SNAP25: variants seen among roughly 807,000 people sequenced by gnomAD.
The protein encoded by SNAP25 is synaptosome associated protein 25, also known as synaptosomal-associated protein 25.
In SNAP25, 3 loss-of-function variants were observed where a neutral mutation model predicts 28.7. The ratio of observed to expected loss-of-function variants is 0.10; its 90% CI spans 0.05 to 0.27. The LOEUF is 0.27. Ranked by LOEUF, SNAP25 falls within the 10% of genes least tolerant of loss-of-function variation. The pLI is 1.00. For synonymous variants in SNAP25, 61 were observed against 88.1 expected (o/e 0.69, Z 1.72); for missense variants, 117 against 278.7 (o/e 0.42, Z 4.13).
At chr20:10,264,918 C>CTTTTT (rs958711328) in intron 1 of SNAP25, among the ~76,000 whole-genome samples, 11 of 117,144 alleles carry the variant, frequency 9.4e-5, no homozygotes, top group South Asian at 2.7e-4. Context: ...TCAGACCATG[C>CTTTTT]TTTTTTTTTT....
intron 4 of SNAP25, 55 bp downstream of exon 4, chr20:10,284,827 T>A (rs2063844349): frequency 1.4e-6 from 2 of 1,428,008 alleles, no homozygotes; most frequent in Non-Finnish European, 2.0e-6. Flanking sequence ...ATGTGCATTT[T>A]AAAATTATTT....
At chr20:10,253,954 C>T (rs945812447) in intron 1 of SNAP25, among the ~76,000 whole-genome samples, 15 of 152,130 alleles carry the variant, frequency 9.9e-5, no homozygotes, top group African/African-American at 3.4e-4. Context: ...AGGATGTGCC[C>T]TCCTCCTCCC....
At chr20:10,239,597 C>G (rs1225453265) in intron 1 of SNAP25, among the ~76,000 whole-genome samples, 2 of 152,220 alleles carry the variant, frequency 1.3e-5, no homozygotes, top group Admixed American at 6.5e-5. Flanking sequence ...ACTGAGCGCT[C>G]TATGCATATG....
At chr20:10,298,595 T>C (rs2123153935) in intron 6 of SNAP25, among the ~76,000 whole-genome samples, 1 of 152,312 alleles carries the variant, frequency 6.6e-6, no homozygotes, top group East Asian at 1.9e-4. Flanking sequence ...TTTCACAGTT[T>C]TTGACTCTGA....
intron 1 of SNAP25, among the ~76,000 whole-genome samples, chr20:10,270,153 C>T (rs187749761): frequency 1.1e-4 from 16 of 151,660 alleles, no homozygotes; most frequent in Admixed American, 3.3e-4. Flanking sequence ...CTTGGGAGGC[C>T]GAGGGAGGAG....
intron 1 of SNAP25, among the ~76,000 whole-genome samples, chr20:10,268,827 G>A (rs1433496699): frequency 1.3e-5 from 2 of 152,052 alleles, no homozygotes; most frequent in African/African-American, 2.4e-5. Context: ...CCTGCCCACC[G>A]TGAAGCAAGT....
chr20:10,252,201 T>C (rs1200918936), intron 1 of SNAP25, among the ~76,000 whole-genome samples: 2 of 152,236 alleles, frequency 1.3e-5, no homozygotes, highest in Admixed American at 1.3e-4. Flanking sequence ...GAATGTATAG[T>C]GACTATATGT....
chr20:10,251,201 G>T (rs182092670), intron 1 of SNAP25, among the ~76,000 whole-genome samples: 10 of 152,320 alleles, frequency 6.6e-5, no homozygotes, highest in African/African-American at 2.4e-4. Context: ...CTGGTGGAGT[G>T]ACCTGTCAAA....
intron 1 of SNAP25, among the ~76,000 whole-genome samples, chr20:10,263,785 G>T (rs994149966): frequency 6.6e-6 from 1 of 152,138 alleles, no homozygotes; most frequent in Non-Finnish European, 1.5e-5. Flanking sequence ...CTAAGGGGCG[G>T]TTCTCCACTC....
In SNAP25 at chr20:10,306,889, A is replaced by G. The variant is rs1208326878; in HGVS notation, c.*692A>G. The G allele has an allele frequency of 1.9e-5, 3 of 153,972 alleles. No individual in the cohort carries two copies. The highest frequency in any genetic ancestry group is 1.3e-4 in the Admixed American group (2 of 15,288). The allele number at this position is 153,972 out of a possible 1,614,324, so 9.5% of individuals were successfully genotyped here. On this transcript the variant is annotated 3_prime_UTR_variant, in exon 8 of 8. Coordinates refer to ENST00000254976, the MANE Select transcript of SNAP25 (RefSeq NM_130811.4). Reference sequence around the variant, plus strand: ...TGAGACACTGTCAAGATTAAGTTATACCAGCAAAAGTGCAGTAGTGTCACT... The same window carrying G: ...TGAGACACTGTCAAGATTAAGTTATGCCAGCAAAAGTGCAGTAGTGTCACT...
intron 1 of SNAP25, among the ~76,000 whole-genome samples, chr20:10,265,358 C>T (rs888897803): frequency 2.6e-4 from 39 of 152,206 alleles, no homozygotes; most frequent in African/African-American, 9.4e-4. Flanking sequence ...TGCTCTGGTC[C>T]TTAGTTTGCC....
At chr20:10,240,642 G>A (rs555780517) in intron 1 of SNAP25, among the ~76,000 whole-genome samples, 1 of 152,270 alleles carries the variant, frequency 6.6e-6, no homozygotes, top group African/African-American at 2.4e-5. Flanking sequence ...AGAGAGCCTT[G>A]GTCCACATCA....
chr20:10,288,162 T>C (rs1373573038), intron 4 of SNAP25, among the ~76,000 whole-genome samples: 1 of 151,670 alleles, frequency 6.6e-6, no homozygotes, highest in Non-Finnish European at 1.5e-5. Context: ...AGTATAATAA[T>C]AATAAAATAA....
intron 5 of SNAP25, chr20:10,296,719 T>A: frequency 1.6e-6 from 1 of 610,792 alleles, no homozygotes; most frequent in South Asian, 2.2e-5. Context: ...TCCATTGCAA[T>A]GGATTCGATT....
chr20:10,224,816 T>C (rs561903691), intron 1 of SNAP25, among the ~76,000 whole-genome samples: 5 of 152,054 alleles, frequency 3.3e-5, no homozygotes, highest in African/African-American at 4.8e-5. Flanking sequence ...ATCTAGCACA[T>C]ACTGTCTCCT....
At chr20:10,241,660 G>A (rs1191779589) in intron 1 of SNAP25, among the ~76,000 whole-genome samples, 7 of 152,164 alleles carry the variant, frequency 4.6e-5, no homozygotes, top group African/African-American at 1.7e-4. Context: ...GACAAGAACG[G>A]CCAATCATGA....
rs377568554 is a variant in SNAP25 at position 10,250,552 on chromosome 20, A to G, written c.-63-24877A>G. 1.8e-4 allele frequency among the ~76,000 whole-genome samples: 28 copies of G among 152,364 alleles called. 1 individual carries two copies. The highest frequency in any genetic ancestry group is 6.0e-4 in the African/African-American group (25 of 41,580). ...AAAAACCCTCAGTATCTTAACCCAC[A>G]GTCTCTAGGATGCTAACGCTTAATG... On this transcript the variant is annotated intron_variant, in intron 1 of 7. Coordinates refer to ENST00000254976, the MANE Select transcript of SNAP25 (RefSeq NM_130811.4).
intron 1 of SNAP25, among the ~76,000 whole-genome samples, chr20:10,222,783 T>C (rs1480923084): frequency 6.6e-6 from 1 of 152,232 alleles, no homozygotes; most frequent in Non-Finnish European, 1.5e-5. Context: ...TACTGAAGCA[T>C]CTTTTAAGAC....
chr20:10,288,517 C>T (rs1026972694), intron 4 of SNAP25, among the ~76,000 whole-genome samples: 2 of 152,088 alleles, frequency 1.3e-5, no homozygotes, highest in African/African-American at 4.8e-5. Context: ...TCTTCTTTAG[C>T]ACAAATTATC....
Sources: gnomAD v4.1 joint callset for allele counts (sites outside exome capture counted in the v4.1 genomes callset) on GRCh38, gnomAD v4.1.1 for gene constraint, MANE v1.5 for transcripts, NCBI Gene and HGNC (gene_info 2026-07-23, HGNC 2026-07-21) for gene names.